The following NDE1 variants were observed in gnomAD, a reference collection of about 807,000 sequenced individuals.
NDE1 encodes nuclear distribution protein nudE homolog 1.
In NDE1, 28 loss-of-function variants were observed where a neutral mutation model predicts 43.4. The ratio of observed to expected loss-of-function variants is 0.65; its 90% CI spans 0.48 to 0.89. NDE1 has a LOEUF of 0.89. Among genes scored for constraint, NDE1 ranks in the 40% least tolerant of loss-of-function variants. The probability of loss-of-function intolerance (pLI) is 0.00; values close to 1 mark genes in which losing one functional copy is unlikely to be tolerated. For missense variants in NDE1, 441 were observed against 434.1 expected (o/e 1.02, Z -0.14); for synonymous variants, 184 against 172.0 (o/e 1.07, Z -0.55).
intron 3 of NDE1, among the ~76,000 whole-genome samples, chr16:15,675,424 G>GT (rs11352866): frequency 0.031 from 4,230 of 136,302 alleles, 90 homozygotes; most frequent in African/African-American, 0.044. Context: ...GTGATTTTGG[G>GT]TTTTTTTTTT....
chr16:15,668,389 G>A lies in NDE1; in HGVS notation c.237+950G>A, dbSNP rs116531762. Among the ~76,000 whole-genome samples, 290 of 152,262 alleles carry A rather than the reference G, an allele frequency of 1.9e-3. 1 individual carries two copies. The highest frequency in any genetic ancestry group is 6.6e-3 in the African/African-American group (276 of 41,558). ...CCAAAGTCCTTCCACCTGAACCTCG[G>A]GAGTAGCTGAGACTACAGGCATGCG... On this transcript the variant is annotated intron_variant, in intron 3 of 8. Transcript: ENST00000396354.
chr16:15,695,373 T>C (rs2038963026), intron 7 of NDE1: 1 of 405,846 alleles, frequency 2.5e-6, no homozygotes, highest in African/African-American at 2.2e-5. Context: ...CCAGGAATGG[T>C]GGTGGGCACC....
At chr16:15,712,571 G>A (rs2039864753) in intron 8 of NDE1, among the ~76,000 whole-genome samples, 1 of 152,160 alleles carries the variant, frequency 6.6e-6, no homozygotes, top group South Asian at 2.1e-4. Flanking sequence ...ACTCCAGCCT[G>A]GGCAACAGAG....
chr16:15,720,528 C>T (rs776561192), intron 8 of NDE1, among the ~76,000 whole-genome samples: 3 of 151,482 alleles, frequency 2.0e-5, no homozygotes, highest in Non-Finnish European at 4.4e-5. Flanking sequence ...GAGAATGGAT[C>T]ACTTGAGGCC....
rs8059010 is a variant in NDE1, at chr16:15,717,025, G to C, written c.948-7166G>C. ...ACATACCTGCACTGTAGGCATCACA[G>C]AGCTTGCTTCTTACAAGCCAGAACT... On this transcript the variant is annotated intron_variant, in intron 8 of 8. Coordinates refer to ENST00000396354, the MANE Select transcript of NDE1 (RefSeq NM_017668.3). 40,353 of 1,122,918 alleles carry C rather than the reference G, an allele frequency of 0.036. 1,193 individuals are homozygous for C. Among genetic ancestry groups the C allele is most frequent in the African/African-American group, 0.093 (6,134 of 65,866 alleles). The allele number at this position is 1,122,918 out of a possible 1,614,324, so 69.6% of individuals were successfully genotyped here.
At chr16:15,644,646 T>C (rs2036271637) in intron 1 of NDE1, among the ~76,000 whole-genome samples, 1 of 152,194 alleles carries the variant, frequency 6.6e-6, no homozygotes, top group African/African-American at 2.4e-5. Flanking sequence ...AAATCTTCAT[T>C]ATGTCTGTGT....
rs2039635626 is a variant in NDE1, at chr16:15,709,108, A to AT, written c.947+12253dup. The stretch of plus-strand genomic sequence containing the variant: ...CAGGCAGGCCCCACGTGCTTGGCTA[A>AT]TTTTTGTATTTTTAGTACAGATGGG... On this transcript the variant is annotated intron_variant, in intron 8 of 8. Transcript: ENST00000396354. 3.3e-5 allele frequency among the ~76,000 whole-genome samples: 5 copies of AT among 150,876 alleles called. No individual in the cohort carries two copies. The Admixed American group carries it at 3.3e-4, about 10-fold the overall frequency.
At chr16:15,713,038 A>T (rs769477588) in intron 8 of NDE1, 2 of 151,760 alleles carry the variant, frequency 1.3e-5, no homozygotes, top group Non-Finnish European at 2.9e-5. Context: ...ATTTTTTGGT[A>T]GAGACAGGGT....
chr16:15,704,857 AAATT>A (rs1376912211), intron 8 of NDE1, among the ~76,000 whole-genome samples: 1 of 152,202 alleles, frequency 6.6e-6, no homozygotes, highest in African/African-American at 2.4e-5. Context: ...TTATTTTATT[AAATT>A]GAGATGAGGT....
intron 1 of NDE1, among the ~76,000 whole-genome samples, chr16:15,653,247 T>A (rs918891766): frequency 6.6e-6 from 1 of 152,200 alleles, no homozygotes; most frequent in African/African-American, 2.4e-5. Flanking sequence ...TTTCCAGTTT[T>A]CCACATTCGT....
rs2040727427 is a variant in NDE1 at position 15,725,865 on chromosome 16, C to T, written c.*1614C>T. The T allele has an allele frequency of 2.5e-6, 1 of 394,630 alleles. No individual in the cohort carries two copies. Among genetic ancestry groups the T allele is most frequent in the Admixed American group, 4.4e-5 (1 of 22,614 alleles). 24.4% of individuals were successfully genotyped at this position (394,630 alleles called of 1,614,324 possible). A position where few individuals can be genotyped will look rare whatever the true frequency, so the allele number is the denominator to read the frequency against. ...AAACCCCTCAACAGCTTCACATTGC[C>T]CAGAGTAAGGATCAACATACATGTA... On this transcript the variant is annotated 3_prime_UTR_variant, in exon 9 of 9. Coordinates refer to ENST00000396354, the MANE Select transcript of NDE1 (RefSeq NM_017668.3).
At position 15,719,701 on chromosome 16, in the gene NDE1, CCTT is replaced by C; in HGVS notation, c.948-4488_948-4486del. The stretch of plus-strand genomic sequence containing the variant: ...GCATCTTCCAGCTCTCTTTGAAAGT[CCTT>C]CATCTGAGCCTGCATGAGTCAACAG... On this transcript the variant is annotated intron_variant, in intron 8 of 8. Transcript: ENST00000396354. 6.2e-7 allele frequency: 1 copy of C among 1,614,174 alleles called. No individual in the cohort carries two copies.
At chr16:15,707,745 G>A (rs185152678) in intron 8 of NDE1, among the ~76,000 whole-genome samples, 11 of 152,218 alleles carry the variant, frequency 7.2e-5, no homozygotes, top group Admixed American at 2.6e-4. Context: ...GCCAAGGCGC[G>A]CGGATCACCT....
chr16:15,721,908 A>C (rs2040507708), intron 8 of NDE1, among the ~76,000 whole-genome samples: 1 of 151,966 alleles, frequency 6.6e-6, no homozygotes, highest in Non-Finnish European at 1.5e-5. Flanking sequence ...CCCAGGCTGG[A>C]GTGCAATGGT....
At chr16:15,685,749 A>G (rs1412933810) in intron 4 of NDE1, among the ~76,000 whole-genome samples, 9 of 152,280 alleles carry the variant, frequency 5.9e-5, no homozygotes, top group Middle Eastern at 6.8e-3. Flanking sequence ...AAGTTCCGCA[A>G]TGATACTCAG....
rs769248121 is a variant in NDE1 at position 15,694,117 on chromosome 16, C to G, written c.704-48C>G. The G allele has an allele frequency of 4.4e-6, 7 of 1,604,982 alleles. No homozygotes were observed. In the Admixed American group the frequency reaches 1.0e-4, roughly 23 times the overall value. ...GGATCTAGCGATGTTAACGCACAGACATGACTATAGGTTGGTGAGTTACAT... is the reference window on the plus strand; with the variant it reads ...GGATCTAGCGATGTTAACGCACAGAGATGACTATAGGTTGGTGAGTTACAT... On this transcript the variant is annotated intron_variant, in intron 6 of 8. Transcript: ENST00000396354.
chr16:15,706,318 T>C (rs924964284), intron 8 of NDE1, among the ~76,000 whole-genome samples: 21 of 152,146 alleles, frequency 1.4e-4, no homozygotes, highest in Admixed American at 3.9e-4. Flanking sequence ...CTCAGAAGGA[T>C]GCTCAAATTC....
At chr16:15,680,305 C>T (rs1044155680) in intron 4 of NDE1, among the ~76,000 whole-genome samples, 8 of 152,052 alleles carry the variant, frequency 5.3e-5, no homozygotes, top group African/African-American at 7.2e-5. Flanking sequence ...GGGGGGCCCA[C>T]GGTGATAGAT....
chr16:15,677,205 C>T (rs555400853), intron 3 of NDE1, among the ~76,000 whole-genome samples: 51 of 151,838 alleles, frequency 3.4e-4, no homozygotes, highest in Middle Eastern at 3.4e-3. Context: ...CTGAGCCTGG[C>T]TTGTCTCCCG....
Sources: gnomAD v4.1 joint callset for allele counts (sites outside exome capture counted in the v4.1 genomes callset) on GRCh38, gnomAD v4.1.1 for gene constraint, MANE v1.5 for transcripts, NCBI Gene and HGNC (gene_info 2026-07-23, HGNC 2026-07-21) for gene names.